EYS: variants seen among roughly 807,000 people sequenced by gnomAD.
EYS encodes the protein EGF-like photoreceptor maintenance factor.
In EYS, 250 loss-of-function variants were observed where a neutral mutation model predicts 282.1. The ratio of observed to expected loss-of-function variants is 0.89; its 90% CI spans 0.80 to 0.98. The LOEUF (loss-of-function observed/expected upper bound fraction) is 0.98, where lower values mean the gene tolerates loss of function less well. Ranked by LOEUF, EYS falls within the 50% of genes least tolerant of loss-of-function variation. The pLI, the probability that EYS is intolerant of heterozygous loss-of-function variation, is 0.00. For missense variants in EYS, 4,016 were observed against 3,709.0 expected (o/e 1.08, Z -2.15); for synonymous variants, 1,355 against 1,282.9 (o/e 1.06, Z -1.20).
At chr6:64,769,521 G>C (rs756304318) in intron 22 of EYS, among the ~76,000 whole-genome samples, 7 of 152,132 alleles carry the variant, frequency 4.6e-5, no homozygotes, top group Non-Finnish European at 7.4e-5. Context: ...GTACAAAAAT[G>C]GGTGTCCAGA....
chr6:64,699,813 G>A (rs1222308288), intron 22 of EYS, among the ~76,000 whole-genome samples: 2 of 151,958 alleles, frequency 1.3e-5, no homozygotes, highest in Non-Finnish European at 1.5e-5. Context: ...CAAGAAATTC[G>A]AAGAGAAGGG....
intron 29 of EYS, among the ~76,000 whole-genome samples, chr6:64,338,559 C>T (rs1582620414): frequency 6.6e-6 from 1 of 151,952 alleles, no homozygotes; most frequent in African/African-American, 2.4e-5. Context: ...GACCATACTG[C>T]TAAAGGCAAT....
intron 26 of EYS, among the ~76,000 whole-genome samples, chr6:64,477,870 T>C (rs137868884): frequency 3.5e-4 from 54 of 152,240 alleles, no homozygotes; most frequent in Admixed American, 1.3e-3. Flanking sequence ...AAAATATTTG[T>C]GTTGAAATCA....
chr6:64,445,982 C>T (rs1249459190), intron 26 of EYS, among the ~76,000 whole-genome samples: 1 of 152,160 alleles, frequency 6.6e-6, no homozygotes, highest in Admixed American at 6.5e-5. Context: ...TGAATTATAT[C>T]TGATTGTCAG....
intron 8 of EYS, among the ~76,000 whole-genome samples, chr6:65,374,407 C>T (rs1458762959): frequency 6.6e-6 from 1 of 152,074 alleles, no homozygotes; most frequent in African/African-American, 2.4e-5. Context: ...AATCCGCAGA[C>T]CAGGAGATTC....
At chr6:65,115,923 C>CT (rs1179627027) in intron 12 of EYS, among the ~76,000 whole-genome samples, 2 of 151,432 alleles carry the variant, frequency 1.3e-5, no homozygotes, top group East Asian at 3.9e-4. Context: ...GGTGTAACTT[C>CT]TCTCAATGAA....
intron 15 of EYS, among the ~76,000 whole-genome samples, chr6:64,930,028 T>C (rs1347451775): frequency 6.6e-6 from 1 of 152,184 alleles, no homozygotes; most frequent in Non-Finnish European, 1.5e-5. Flanking sequence ...GTGTCTGCTA[T>C]AGATAATTGC....
chr6:64,296,432 A>G (rs1312175038), intron 30 of EYS, among the ~76,000 whole-genome samples: 2 of 151,770 alleles, frequency 1.3e-5, no homozygotes, highest in Non-Finnish European at 2.9e-5. Context: ...TATATTATTC[A>G]TGTTAACTTA....
At chr6:64,861,393 C>T (rs563761290) in intron 19 of EYS, among the ~76,000 whole-genome samples, 1 of 152,214 alleles carries the variant, frequency 6.6e-6, no homozygotes, top group African/African-American at 2.4e-5. Flanking sequence ...CAGGAGCAGG[C>T]ACCTCTGAGC....
At chr6:65,473,391 G>C (rs980135171) in intron 5 of EYS, among the ~76,000 whole-genome samples, 1 of 151,858 alleles carries the variant, frequency 6.6e-6, no homozygotes, top group South Asian at 2.1e-4. Context: ...AGAGGTTACT[G>C]TGTCAATACC....
chr6:65,032,745 A>T (rs1044205881), intron 13 of EYS, among the ~76,000 whole-genome samples: 29 of 152,238 alleles, frequency 1.9e-4, no homozygotes, highest in Middle Eastern at 3.4e-3. Flanking sequence ...GTCTAACAGA[A>T]CATTGGTACT....
intron 28 of EYS, among the ~76,000 whole-genome samples, chr6:64,395,653 G>A (rs1306367634): frequency 1.4e-5 from 2 of 140,584 alleles, no homozygotes; most frequent in African/African-American, 5.2e-5. Flanking sequence ...GGAGGGGGGA[G>A]GGATAGCATT....
At chr6:65,409,680 A>G (rs1040661564) in intron 5 of EYS, among the ~76,000 whole-genome samples, 2 of 152,186 alleles carry the variant, frequency 1.3e-5, no homozygotes, top group Non-Finnish European at 2.9e-5. Flanking sequence ...AAGAGTTTTT[A>G]GTAAACAACA....
chr6:65,312,913 T>A (rs1379155808), intron 11 of EYS, among the ~76,000 whole-genome samples: 1 of 152,088 alleles, frequency 6.6e-6, no homozygotes, highest in African/African-American at 2.4e-5. Context: ...TCTGAAGACC[T>A]GGGATCTTCA....
intron 2 of EYS, among the ~76,000 whole-genome samples, chr6:65,620,744 C>G (rs13209581): frequency 6.7e-6 from 1 of 150,294 alleles, no homozygotes; most frequent in East Asian, 1.9e-4. Context: ...GAGATTCTGG[C>G]ATGTTGTGTC....
At chr6:64,958,297 G>A (rs965002536) in intron 14 of EYS, among the ~76,000 whole-genome samples, 7 of 151,954 alleles carry the variant, frequency 4.6e-5, no homozygotes, top group Admixed American at 3.9e-4. Flanking sequence ...CATGAGAGTC[G>A]CCTGAGTCCG....
intron 26 of EYS, among the ~76,000 whole-genome samples, chr6:64,448,554 C>A (rs1775201784): frequency 6.6e-6 from 1 of 152,190 alleles, no homozygotes; most frequent in Admixed American, 6.5e-5. Flanking sequence ...CAGCAGACTG[C>A]CTCCTCAAGT....
intron 36 of EYS, among the ~76,000 whole-genome samples, chr6:63,807,548 T>A (rs977193636): frequency 6.6e-6 from 1 of 150,856 alleles, no homozygotes; most frequent in Non-Finnish European, 1.5e-5. Flanking sequence ...ACTGAATACT[T>A]TGTTTTGATA....
intron 30 of EYS, among the ~76,000 whole-genome samples, chr6:64,245,069 C>T (rs574638446): frequency 6.7e-6 from 1 of 148,158 alleles, no homozygotes; most frequent in Non-Finnish European, 1.5e-5. Context: ...TGAGTGAGAA[C>T]ATGCAGTGTT....
Sources: gnomAD v4.1 joint callset for allele counts (sites outside exome capture counted in the v4.1 genomes callset) on GRCh38, gnomAD v4.1.1 for gene constraint, MANE v1.5 for transcripts, NCBI Gene and HGNC (gene_info 2026-07-23, HGNC 2026-07-21) for gene names.